MCF2L2: variants seen among roughly 807,000 people sequenced by gnomAD.
MCF2L2 encodes MCF.2 cell line derived transforming sequence-like 2.
In MCF2L2, 102 loss-of-function variants were observed where a neutral mutation model predicts 150.2. The observed-to-expected ratio is 0.68, with a 90% CI of 0.58 to 0.80. The LOEUF is 0.80. MCF2L2 is among the 30% of genes least tolerant of loss of function. The pLI is 0.00. For missense variants in MCF2L2, 1,256 were observed against 1,372.8 expected, an observed-to-expected ratio of 0.91 and a Z score of 1.34; for synonymous variants, 465 against 491.3, an observed-to-expected ratio of 0.95 and a Z score of 0.71.
At chr3:183,380,218 C>G (rs1349199856) in intron 2 of MCF2L2, among the ~76,000 whole-genome samples, 2 of 152,066 alleles carry the variant, frequency 1.3e-5, no homozygotes, top group African/African-American at 2.4e-5. Flanking sequence ...CTGCATGGAG[C>G]CATTTGACTA....
At chr3:183,204,278 T>A (rs1560339528) in intron 25 of MCF2L2, among the ~76,000 whole-genome samples, 1 of 152,126 alleles carries the variant, frequency 6.6e-6, no homozygotes, top group South Asian at 2.1e-4. Flanking sequence ...AAATAACTCT[T>A]ACAATTCAAC....
chr3:183,220,797 C>T (rs1452660925), intron 20 of MCF2L2, among the ~76,000 whole-genome samples: 3 of 151,942 alleles, frequency 2.0e-5, no homozygotes, highest in East Asian at 3.9e-4. Context: ...TTTAAAAAAA[C>T]GTTTGCTACT....
intron 22 of MCF2L2, among the ~76,000 whole-genome samples, chr3:183,212,655 A>C (rs933771651): frequency 2.0e-5 from 3 of 150,440 alleles, no homozygotes; most frequent in East Asian, 2.0e-4. Flanking sequence ...TCCAGGTAGT[A>C]AGAGTTAATA....
intron 3 of MCF2L2, among the ~76,000 whole-genome samples, chr3:183,370,177 C>T (rs1297548418): frequency 6.6e-6 from 1 of 152,232 alleles, no homozygotes; most frequent in East Asian, 1.9e-4. Flanking sequence ...ATCCTCAGAC[C>T]GGATTGAGAA....
chr3:183,348,428 C>T lies in MCF2L2; in HGVS notation c.276-6798G>A, dbSNP rs555881674. Among the ~76,000 whole-genome samples the T allele has an allele frequency of 2.2e-3, 278 of 125,348 alleles. 2 individuals carry two copies. Among genetic ancestry groups the T allele is most frequent in the Non-Finnish European group, 3.6e-3 (220 of 60,286 alleles). 82.2% of individuals were successfully genotyped at this position (125,348 alleles called of 152,430 possible). A position where few individuals can be genotyped will look rare whatever the true frequency, so the allele number is the denominator to read the frequency against. ...TGGGTCGGGGGTCGGGTAGGGGGGG[C>T]GAGGGGAGGGAGAGAATTAGGACAA... On this transcript the variant is annotated intron_variant, in intron 3 of 29. Transcript: ENST00000328913.
intron 13 of MCF2L2, among the ~76,000 whole-genome samples, chr3:183,292,349 G>T (rs1235722094): frequency 1.3e-5 from 2 of 152,006 alleles, no homozygotes; most frequent in Admixed American, 1.3e-4. Flanking sequence ...GAGCCCAGGA[G>T]TTCGAAACCT....
intron 13 of MCF2L2, among the ~76,000 whole-genome samples, chr3:183,291,113 T>C (rs775550671): frequency 1.3e-5 from 2 of 152,190 alleles, no homozygotes; most frequent in African/African-American, 4.8e-5. Flanking sequence ...TCCTTTGGGC[T>C]CCTCCCTCTC....
At chr3:183,426,171 A>G (rs4859189) in intron 1 of MCF2L2, among the ~76,000 whole-genome samples, 17,023 of 152,186 alleles carry the variant, frequency 0.11, 1,224 homozygotes, top group Non-Finnish European at 0.17. Flanking sequence ...CTGTCTATAG[A>G]AGGAGGGAGG....
At chr3:183,269,969 T>A (rs1261298514) in intron 15 of MCF2L2, 2 of 1,614,060 alleles carry the variant, frequency 1.2e-6, no homozygotes, top group Admixed American at 1.7e-5. Context: ...GCTATGACTT[T>A]GTGAATGATA....
At chr3:183,253,388 C>T (rs1450845467) in intron 15 of MCF2L2, 1 of 152,230 alleles carries the variant, frequency 6.6e-6, no homozygotes, top group Non-Finnish European at 1.5e-5. Flanking sequence ...GGAAAGCCGA[C>T]CTCCGATTTG....
At chr3:183,307,174 G>A (rs765033788) in intron 10 of MCF2L2, among the ~76,000 whole-genome samples, 3 of 152,216 alleles carry the variant, frequency 2.0e-5, no homozygotes, top group African/African-American at 7.2e-5. Flanking sequence ...CAGAGCCAGC[G>A]TGTGGCTGTG....
At chr3:183,253,203 G>C (rs1724665406) in intron 15 of MCF2L2, 1 of 150,504 alleles carries the variant, frequency 6.6e-6, no homozygotes. Flanking sequence ...AGTGCGGGGC[G>C]CGCGGCTGGG....
intron 27 of MCF2L2, among the ~76,000 whole-genome samples, chr3:183,186,775 T>G (rs1721710043): frequency 6.6e-6 from 1 of 152,028 alleles, no homozygotes; most frequent in Non-Finnish European, 1.5e-5. Context: ...CAGGCTGGTC[T>G]CAAGCTCCTG....
At chr3:183,343,459 C>T (rs1048087882) in intron 3 of MCF2L2, among the ~76,000 whole-genome samples, 2 of 151,806 alleles carry the variant, frequency 1.3e-5, no homozygotes, top group African/African-American at 4.8e-5. Flanking sequence ...CAACCTCTGC[C>T]TCCAGGGTTC....
At chr3:183,193,220 G>A in intron 26 of MCF2L2, 124 bp from the exon 27 acceptor site, 1 of 741,944 alleles carries the variant, frequency 1.3e-6, no homozygotes, top group Non-Finnish European at 2.4e-6. Flanking sequence ...AGGACCTGCT[G>A]CTCCTCCCTC....
At chr3:183,269,526 C>T (rs1726534365) in intron 15 of MCF2L2, 2 of 360,782 alleles carry the variant, frequency 5.5e-6, no homozygotes, top group African/African-American at 2.1e-5. Context: ...ATGGGAGAGC[C>T]GCATGAGGCC....
chr3:183,253,059 G>A (rs1351744267), intron 15 of MCF2L2, among the ~76,000 whole-genome samples: 1 of 152,184 alleles, frequency 6.6e-6, no homozygotes, highest in Non-Finnish European at 1.5e-5. Flanking sequence ...ATTAACTGAC[G>A]AGCGGCAGGG....
At chr3:183,408,583 G>T (rs1715164652) in intron 1 of MCF2L2, among the ~76,000 whole-genome samples, 1 of 152,084 alleles carries the variant, frequency 6.6e-6, no homozygotes, top group African/African-American at 2.4e-5. Context: ...ATGAAATATG[G>T]TTAGTCTTAA....
chr3:183,379,947 C>A (rs1713420105), intron 2 of MCF2L2, among the ~76,000 whole-genome samples: 1 of 151,594 alleles, frequency 6.6e-6, no homozygotes, highest in South Asian at 2.1e-4. Context: ...AATGCTTGTA[C>A]CTACATGGTA....
Sources: allele counts gnomAD v4.1 joint callset (sites outside exome capture counted in the v4.1 genomes callset), GRCh38; gene constraint gnomAD v4.1.1; transcripts MANE v1.5; gene names NCBI Gene and HGNC (gene_info 2026-07-23, HGNC 2026-07-21).